EXO1: variants seen among roughly 807,000 people sequenced by gnomAD.
EXO1 encodes the protein exonuclease 1.
A neutral mutation model predicts 84.5 loss-of-function variants in EXO1; 69 were observed. That is an observed-to-expected ratio of 0.82 (90% confidence interval 0.67 to 1.00). The LOEUF (loss-of-function observed/expected upper bound fraction) is 1.00. Ranked by LOEUF, EXO1 falls within the 50% of genes least tolerant of loss-of-function variation. The pLI, the probability that EXO1 is intolerant of heterozygous loss-of-function variation, is 0.00. For missense variants in EXO1, 1,045 were observed against 1,000.7 expected (o/e 1.04, Z -0.60); for synonymous variants, 373 against 366.1 (o/e 1.02, Z -0.21).
chr1:241,871,163 A>G (rs957238601), intron 11 of EXO1, among the ~76,000 whole-genome samples: 1 of 152,218 alleles, frequency 6.6e-6, no homozygotes, highest in African/African-American at 2.4e-5. Context: ...TTCTTCTGCA[A>G]GGACTCACAA....
intron 11 of EXO1, among the ~76,000 whole-genome samples, chr1:241,868,854 G>T (rs1661911514): frequency 6.6e-6 from 1 of 152,166 alleles, no homozygotes; most frequent in Non-Finnish European, 1.5e-5. Flanking sequence ...TTTTGATGCT[G>T]CTGTAAATAG....
At chr1:241,862,953 A>G (rs1286762534) in intron 10 of EXO1, among the ~76,000 whole-genome samples, 1 of 152,262 alleles carries the variant, frequency 6.6e-6, no homozygotes, top group Non-Finnish European at 1.5e-5. Flanking sequence ...TAAGAAATAC[A>G]GGAAAAGTAA....
In EXO1 at chr1:241,889,461, G is replaced by A. The variant is rs773129846; in HGVS notation, c.2406-4G>A. On this transcript the variant is annotated splice_region_variant and splice_polypyrimidine_tract_variant and intron_variant, in intron 15 of 15. Transcript: ENST00000366548. ...TACCAAATGTATTTTATTGTATTTT[G>A]CAGAGATTCTGAAAAGCTTCCTCCT... The A allele has an allele frequency of 6.2e-7, 1 of 1,612,008 alleles. No homozygotes were observed. The highest frequency in any genetic ancestry group is 8.5e-7 in the Non-Finnish European group (1 of 1,178,110).
chr1:241,887,459 A>G (rs948654680), intron 15 of EXO1, among the ~76,000 whole-genome samples: 5 of 152,222 alleles, frequency 3.3e-5, no homozygotes, highest in African/African-American at 1.2e-4. Flanking sequence ...TTATTATACA[A>G]TATAAGAAAA....
intron 13 of EXO1, 146 bp from the exon 14 acceptor site, chr1:241,881,767 TATC>T (rs1342678762): frequency 1.8e-5 from 9 of 504,816 alleles, no homozygotes; most frequent in African/African-American, 1.8e-4. Context: ...AATTGGCAAA[TATC>T]ATCCTTTCCA....
intron 5 of EXO1, among the ~76,000 whole-genome samples, chr1:241,853,059 C>A (rs1660756059): frequency 6.6e-6 from 1 of 152,294 alleles, no homozygotes; most frequent in Non-Finnish European, 1.5e-5. Flanking sequence ...TACATTATCA[C>A]TTTTGTTTAA....
intron 10 of EXO1, among the ~76,000 whole-genome samples, chr1:241,865,608 T>C (rs1259040772): frequency 1.3e-5 from 2 of 152,216 alleles, no homozygotes; most frequent in African/African-American, 4.8e-5. Flanking sequence ...AATTGTAATG[T>C]TATGGAATGC....
intron 10 of EXO1, among the ~76,000 whole-genome samples, chr1:241,864,026 C>G (rs1456944874): frequency 6.6e-6 from 1 of 151,944 alleles, no homozygotes; most frequent in African/African-American, 2.4e-5. Context: ...ATTTTTTGAA[C>G]GTTTTCTTCC....
At chr1:241,867,193 C>A in intron 11 of EXO1, 138 bp downstream of exon 11, 1 of 723,272 alleles carries the variant, frequency 1.4e-6, no homozygotes, top group Admixed American at 2.0e-5. Flanking sequence ...TTTCACCCTG[C>A]TGATAAACAC....
Position 241,861,403 on chromosome 1 carries a change from T to C in EXO1, c.945-3T>C, listed in dbSNP as rs1574147017. 2 of 1,376,882 alleles carry C rather than the reference T, an allele frequency of 1.5e-6. No individual in the cohort carries two copies. The highest frequency in any genetic ancestry group is 2.1e-6 in the Non-Finnish European group (2 of 963,426). 85.3% of individuals were successfully genotyped at this position (1,376,882 alleles called of 1,614,324 possible). A position where few individuals can be genotyped will look rare whatever the true frequency, so the allele number is the denominator to read the frequency against. On this transcript the variant is annotated splice_polypyrimidine_tract_variant and splice_region_variant and intron_variant, in intron 9 of 15. Transcript: ENST00000366548. Reference sequence around the variant, plus strand: ...ACATTTTTCCTTAATCTTGCTAATCTAGATATGTTGATGATTCCATAGCTC... The same window carrying C: ...ACATTTTTCCTTAATCTTGCTAATCCAGATATGTTGATGATTCCATAGCTC...
At chr1:241,848,162 C>G (rs1278257516), upstream of EXO1, 1 of 152,346 alleles carries the variant, frequency 6.6e-6, no homozygotes, top group African/African-American at 2.4e-5. The surrounding 1 kb of genome is among the most constrained non-coding windows in gnomAD (Gnocchi z 4.2). Context: ...ACGTCACATC[C>G]TCTGGGCGGG....
intron 11 of EXO1, among the ~76,000 whole-genome samples, chr1:241,870,036 TC>T (rs1435108319): frequency 6.6e-6 from 1 of 152,162 alleles, no homozygotes; most frequent in East Asian, 1.9e-4. Context: ...GGTCTTGAAC[TC>T]CTGACCTCGT....
intron 12 of EXO1, among the ~76,000 whole-genome samples, chr1:241,878,345 A>G (rs1293579966): frequency 6.6e-6 from 1 of 152,166 alleles, no homozygotes; most frequent in Non-Finnish European, 1.5e-5. Flanking sequence ...CTAAAAATAC[A>G]AAATTAGCCA....
In EXO1 at chr1:241,861,423, T is replaced by C. The variant is rs144135764; in HGVS notation, c.962T>C (p.Ile321Thr). Residue 321 changes from isoleucine (I) to threonine (T), a missense_variant, in exon 10 of 16, where the codon ATA (isoleucine) becomes ACA (threonine). Ile to Thr is a moderately conservative substitution (Grantham distance 89). Coordinates refer to ENST00000366548, the MANE Select transcript of EXO1 (RefSeq NM_130398.4). ...TAATCTAGATATGTTGATGATTCCATAGCTCTTCAAATAGCACTTGGAAAT... is the reference window on the plus strand; with the variant it reads ...TAATCTAGATATGTTGATGATTCCACAGCTCTTCAAATAGCACTTGGAAAT... ...SYAGQYVDDS[I>T]ALQIALGNKD... 1.4e-5 allele frequency: 22 copies of C among 1,541,676 alleles called. No individual in the cohort carries two copies. The African/African-American group carries it at 2.6e-4, about 18-fold the overall frequency.
chr1:241,863,914 ATTC>A (rs1661550005), intron 10 of EXO1, among the ~76,000 whole-genome samples: 1 of 152,230 alleles, frequency 6.6e-6, no homozygotes, highest in Non-Finnish European at 1.5e-5. Context: ...ATTCTGCTGA[ATTC>A]TTTACTTCTA....
Position 241,872,081 on chromosome 1 carries a change from G to A in EXO1, c.1317G>A (p.Thr439=), listed in dbSNP as rs756595262. ...DLLSQYSLSF[T]KKTKKNSSEG... is the part of the protein sequence containing the mutation. Reference sequence around the variant, plus strand: ...TGAGTCAGTATTCTCTTTCATTTACGAAGAAGACCAAGAAAAATAGCTCTG... The same window carrying A: ...TGAGTCAGTATTCTCTTTCATTTACAAAGAAGACCAAGAAAAATAGCTCTG... The change falls in exon 12 of 16, where the codon ACG becomes ACA. Residue 439 remains threonine (T), a synonymous_variant. Transcript: ENST00000366548. 11 of 1,613,260 alleles carry A rather than the reference G, an allele frequency of 6.8e-6. No individual in the cohort carries two copies. Among genetic ancestry groups the A allele is most frequent in the African/African-American group, 5.3e-5 (4 of 74,864 alleles).
At chr1:241,853,283 A>G in intron 5 of EXO1, 75 bp from the exon 6 acceptor site, 2 of 1,524,722 alleles carry the variant, frequency 1.3e-6, no homozygotes, top group Non-Finnish European at 1.8e-6. Context: ...AAGCTTCTTG[A>G]ATTACAGTTC....
chr1:241,889,688 G>T lies in EXO1; in HGVS notation c.*88G>T, dbSNP rs1379686062. 4 of 1,291,118 alleles carry T rather than the reference G, an allele frequency of 3.1e-6. No individual in the cohort carries two copies. Among genetic ancestry groups the T allele is most frequent in the African/African-American group, 2.9e-5 (2 of 68,458 alleles). 80.0% of individuals were successfully genotyped at this position (1,291,118 alleles called of 1,614,324 possible). A position where few individuals can be genotyped will look rare whatever the true frequency, so the allele number is the denominator to read the frequency against. ...GGAATGAGGCACTTATCAGCATGAAGAATTTTTTCTCATTCTGTGCCATTT... is the reference window on the plus strand; with the variant it reads ...GGAATGAGGCACTTATCAGCATGAATAATTTTTTCTCATTCTGTGCCATTT... On this transcript the variant is annotated 3_prime_UTR_variant, in exon 16 of 16. Coordinates refer to ENST00000366548, the MANE Select transcript of EXO1 (RefSeq NM_130398.4).
At chr1:241,875,913 A>G (rs1662378519) in intron 12 of EXO1, among the ~76,000 whole-genome samples, 1 of 152,198 alleles carries the variant, frequency 6.6e-6, no homozygotes, top group Non-Finnish European at 1.5e-5. Context: ...AAAAAGTTCT[A>G]GAAAGTTGAC....
Sources: allele counts gnomAD v4.1 joint callset (sites outside exome capture counted in the v4.1 genomes callset), GRCh38; gene constraint gnomAD v4.1.1; non-coding constraint Gnocchi (gnomAD v3.1); transcripts MANE v1.5; gene names NCBI Gene and HGNC (gene_info 2026-07-23, HGNC 2026-07-21).